The following SNX10 variants were observed in gnomAD, a reference collection of about 807,000 sequenced individuals.
The protein encoded by SNX10 is sorting nexin-10.
A neutral mutation model predicts 28.5 loss-of-function variants in SNX10; 25 were observed. The observed-to-expected ratio is 0.88, with a 90% CI of 0.64 to 1.22. The LOEUF (loss-of-function observed/expected upper bound fraction) is 1.22, where lower values mean the gene tolerates loss of function less well. Ranked by LOEUF, SNX10 falls within the 50% of genes most tolerant of loss-of-function variation. The pLI is 0.00. For synonymous variants in SNX10, 62 were observed against 81.4 expected (o/e 0.76, Z 1.28); for missense variants, 223 against 242.6 (o/e 0.92, Z 0.54).
intron 1 of SNX10, among the ~76,000 whole-genome samples, chr7:26,337,018 A>G (rs910457814): frequency 5.3e-5 from 8 of 152,212 alleles, no homozygotes; most frequent in African/African-American, 1.9e-4. Flanking sequence ...TTTGAAATAT[A>G]TGGCCAAATT....
At position 26,372,638 on chromosome 7, in the gene SNX10, C is replaced by A. The variant is rs1007477819; in HGVS notation, c.*66C>A. 3 of 900,368 alleles carry A rather than the reference C, an allele frequency of 3.3e-6. No homozygotes were observed. Among genetic ancestry groups the A allele is most frequent in the African/African-American group, 3.3e-5 (2 of 61,130 alleles). The allele number at this position is 900,368 out of a possible 1,614,324, so 55.8% of individuals were successfully genotyped here. On this transcript the variant is annotated 3_prime_UTR_variant, in exon 7 of 7. Coordinates refer to ENST00000338523, the MANE Select transcript of SNX10 (RefSeq NM_013322.3). ...TGTCCAGTCATAGAGAAGAAAGCTT[C>A]ATAATAATACATTCTTACCTAAAGC...
chr7:26,361,045 A>G lies in SNX10; in HGVS notation c.95A>G (p.Tyr32Cys). 2 of 1,603,128 alleles carry G rather than the reference A, an allele frequency of 1.2e-6. No homozygotes were observed. Among genetic ancestry groups the G allele is most frequent in the South Asian group, 2.2e-5 (2 of 90,704 alleles). Reference protein sequence around the residue: ...KEDFWHSYIDYEICIHTNSMC... With the variant: ...KEDFWHSYIDCEICIHTNSMC... ...GACTTCTGGCATTCTTACATTGACTATGAGATATGTATTCATGTAAGTATG... is the reference window on the plus strand; with the variant it reads ...GACTTCTGGCATTCTTACATTGACTGTGAGATATGTATTCATGTAAGTATG... The change falls in exon 3 of 7, where the codon TAT (tyrosine) becomes TGT (cysteine). Residue 32 changes from tyrosine to cysteine, a missense_variant. Tyr to Cys is a radical substitution (Grantham distance 194, BLOSUM62 -2). Coordinates refer to ENST00000338523, the MANE Select transcript of SNX10 (RefSeq NM_013322.3).
intron 1 of SNX10, among the ~76,000 whole-genome samples, chr7:26,339,826 C>T (rs921072455): frequency 1.5e-4 from 23 of 149,204 alleles, no homozygotes; most frequent in African/African-American, 5.7e-4. Flanking sequence ...GGATTACAGG[C>T]GTGAGTCACC....
At chr7:26,365,203 A>G (rs1481410925) in intron 5 of SNX10, 58 bp downstream of exon 5, 2 of 989,216 alleles carry the variant, frequency 2.0e-6, no homozygotes, top group African/African-American at 3.2e-5. Flanking sequence ...GCTTTACAAG[A>G]GCTGCATGGT....
intron 2 of SNX10, among the ~76,000 whole-genome samples, chr7:26,352,018 G>T (rs1363500233): frequency 6.6e-6 from 1 of 152,158 alleles, no homozygotes; most frequent in Non-Finnish European, 1.5e-5. Flanking sequence ...TTAATGAATT[G>T]TTACAAAGGC....
At chr7:26,344,144 T>C (rs1412481776) in intron 1 of SNX10, among the ~76,000 whole-genome samples, 1 of 150,266 alleles carries the variant, frequency 6.7e-6, no homozygotes. Context: ...CTCCCATACT[T>C]GGCAGCCACC....
intron 1 of SNX10, among the ~76,000 whole-genome samples, chr7:26,324,019 C>A (rs901441788): frequency 6.6e-6 from 1 of 152,112 alleles, no homozygotes; most frequent in Non-Finnish European, 1.5e-5. Flanking sequence ...ATTTTTGTCA[C>A]GCCCTCACTT....
intron 1 of SNX10, among the ~76,000 whole-genome samples, chr7:26,325,328 T>TATATATATATATATATATATATATATA (rs56716262): frequency 2.5e-3 from 311 of 122,934 alleles, no homozygotes; most frequent in Non-Finnish European, 3.8e-3. Context: ...TATATATATA[T>TATATATATATATATATATATATATATA]TTGAGATGGA....
chr7:26,342,618 G>A (rs1267877403), intron 1 of SNX10, among the ~76,000 whole-genome samples: 1 of 152,062 alleles, frequency 6.6e-6, no homozygotes, highest in African/African-American at 2.4e-5. Flanking sequence ...ACTTTAAAAA[G>A]TTTAAAATTA....
chr7:26,340,826 G>A (rs1001299801), intron 1 of SNX10, among the ~76,000 whole-genome samples: 2 of 152,200 alleles, frequency 1.3e-5, no homozygotes, highest in African/African-American at 4.8e-5. Context: ...GAGTGTAGTG[G>A]TGCAAATAGC....
chr7:26,357,070 T>C (rs1339481495), intron 2 of SNX10: 2 of 1,228,208 alleles, frequency 1.6e-6, no homozygotes, highest in South Asian at 1.4e-5. Flanking sequence ...ATTCAAGTCT[T>C]ACAAGACAGC....
At chr7:26,295,860 G>GCAA (rs1269342332) in intron 1 of SNX10, among the ~76,000 whole-genome samples, 4 of 152,242 alleles carry the variant, frequency 2.6e-5, no homozygotes, top group Non-Finnish European at 4.4e-5. Flanking sequence ...AAGCTGTTTG[G>GCAA]GGAGAAGAAG....
chr7:26,340,067 T>A (rs1788123773), intron 1 of SNX10, among the ~76,000 whole-genome samples: 1 of 151,956 alleles, frequency 6.6e-6, no homozygotes, highest in Admixed American at 6.6e-5. Flanking sequence ...TTTGAAAAAA[T>A]ATGTGATCCT....
intron 2 of SNX10, among the ~76,000 whole-genome samples, chr7:26,353,595 GTGTGTGCCA>G (rs1788701838): frequency 1.3e-5 from 2 of 152,080 alleles, no homozygotes; most frequent in African/African-American, 2.4e-5. Flanking sequence ...GGGATTACAA[GTGTGTGCCA>G]CCACACCTGG....
chr7:26,370,791 T>C (rs867539729), intron 5 of SNX10: 2 of 152,220 alleles, frequency 1.3e-5, no homozygotes, highest in Non-Finnish European at 2.9e-5. Context: ...AAAAATCTTA[T>C]GTTGGACAAA....
intron 2 of SNX10, among the ~76,000 whole-genome samples, chr7:26,352,385 A>T (rs2128015915): frequency 6.6e-6 from 1 of 152,290 alleles, no homozygotes; most frequent in East Asian, 1.9e-4. Context: ...CAATAGCCAC[A>T]ACATTCCACC....
chr7:26,298,899 T>C (rs1786212098), intron 1 of SNX10, among the ~76,000 whole-genome samples: 2 of 152,154 alleles, frequency 1.3e-5, no homozygotes, highest in East Asian at 3.8e-4. Flanking sequence ...GTCTCACCAG[T>C]CCCATCACGA....
chr7:26,294,867 C>T (rs771137640), intron 1 of SNX10, among the ~76,000 whole-genome samples: 11 of 152,176 alleles, frequency 7.2e-5, no homozygotes, highest in African/African-American at 1.4e-4. Flanking sequence ...ACTAGTAATG[C>T]GAGAGCCAAA....
At chr7:26,328,234 G>A (rs1235754492) in intron 1 of SNX10, among the ~76,000 whole-genome samples, 1 of 152,202 alleles carries the variant, frequency 6.6e-6, no homozygotes, top group East Asian at 1.9e-4. Flanking sequence ...TGGCTGACCA[G>A]TTGGGTTTGG....
Sources: allele counts gnomAD v4.1 joint callset (sites outside exome capture counted in the v4.1 genomes callset), GRCh38; gene constraint gnomAD v4.1.1; transcripts MANE v1.5; gene names NCBI Gene and HGNC (gene_info 2026-07-23, HGNC 2026-07-21).